The following PXDNL variants were observed in gnomAD, a reference collection of about 807,000 sequenced individuals.
The protein encoded by PXDNL is probable oxidoreductase PXDNL.
A neutral mutation model predicts 150.8 loss-of-function variants in PXDNL; 145 were observed. The ratio of observed to expected loss-of-function variants is 0.96; its 90% CI spans 0.84 to 1.10. PXDNL has a LOEUF of 1.10. Ranked by LOEUF, PXDNL falls within the 50% of genes least tolerant of loss-of-function variation. The pLI is 0.00. For synonymous variants in PXDNL, 757 were observed against 725.7 expected, an observed-to-expected ratio of 1.04 and a Z score of -0.69; for missense variants, 2,087 against 1,873.9, an observed-to-expected ratio of 1.11 and a Z score of -2.10.
At chr8:51,542,670 G>T (rs986681534) in intron 4 of PXDNL, among the ~76,000 whole-genome samples, 2 of 151,780 alleles carry the variant, frequency 1.3e-5, no homozygotes, top group African/African-American at 4.8e-5. Flanking sequence ...GTTAGGCTGG[G>T]ATGGTGGGAG....
At chr8:51,648,086 G>A (rs1814961449) in intron 2 of PXDNL, among the ~76,000 whole-genome samples, 1 of 152,060 alleles carries the variant, frequency 6.6e-6, no homozygotes, top group Admixed American at 6.6e-5. Flanking sequence ...CTCAAAAGTA[G>A]GGTGTCTAAA....
intron 3 of PXDNL, among the ~76,000 whole-genome samples, chr8:51,582,059 T>C (rs903813081): frequency 1.3e-5 from 2 of 152,190 alleles, no homozygotes; most frequent in Non-Finnish European, 2.9e-5. Flanking sequence ...AGTATACTTT[T>C]AAGTTTCCTA....
chr8:51,670,572 T>C (rs965564273), intron 1 of PXDNL, among the ~76,000 whole-genome samples: 1 of 152,232 alleles, frequency 6.6e-6, no homozygotes, highest in Admixed American at 6.5e-5. Context: ...AAATATGATA[T>C]TATAATCTTA....
chr8:51,576,840 T>C (rs4631459), intron 3 of PXDNL, among the ~76,000 whole-genome samples: 72,611 of 151,608 alleles, frequency 0.48, 21,830 homozygotes, highest in African/African-American at 0.85. Context: ...CTGCAGACAT[T>C]AAAAGGATAC....
chr8:51,568,433 T>C (rs1427867437), intron 3 of PXDNL, among the ~76,000 whole-genome samples: 1 of 151,930 alleles, frequency 6.6e-6, no homozygotes, highest in African/African-American at 2.4e-5. Flanking sequence ...TTTTACTTCA[T>C]GCTCTTTTTG....
chr8:51,579,132 C>T (rs991353850), intron 3 of PXDNL, among the ~76,000 whole-genome samples: 4 of 151,980 alleles, frequency 2.6e-5, no homozygotes, highest in African/African-American at 9.7e-5. Flanking sequence ...ATGAAAACAC[C>T]TGCTCTTCAA....
chr8:51,703,194 A>G (rs1585686591), intron 1 of PXDNL, among the ~76,000 whole-genome samples: 1 of 152,230 alleles, frequency 6.6e-6, no homozygotes, highest in South Asian at 2.1e-4. Context: ...TGTGCTATCT[A>G]AGTAATTTAA....
rs578177026 is a variant in PXDNL, at chr8:51,599,828, G to A, written c.237-7130C>T. On this transcript the variant is annotated intron_variant, in intron 2 of 22. Transcript: ENST00000356297. ...AATTATACCTTATATAAATGACATC[G>A]TTTAGATAATAAATTATACCTTATA... is the stretch of plus-strand genomic sequence containing the variant. 7.5e-4 allele frequency among the ~76,000 whole-genome samples: 103 copies of A among 137,234 alleles called. 2 individuals are homozygous for A. The highest frequency in any genetic ancestry group is 2.2e-3 in the African/African-American group (79 of 35,662). The allele number at this position is 137,234 out of a possible 152,430, so 90.0% of individuals were successfully genotyped here.
chr8:51,782,091 G>A (rs2037420883), intron 1 of PXDNL, among the ~76,000 whole-genome samples: 1 of 151,100 alleles, frequency 6.6e-6, no homozygotes, highest in African/African-American at 2.4e-5. Context: ...TAGGGGCTCA[G>A]ATGATAAGAA....
intron 17 of PXDNL, among the ~76,000 whole-genome samples, chr8:51,404,753 G>A (rs1353962581): frequency 6.6e-6 from 1 of 152,230 alleles, no homozygotes; most frequent in African/African-American, 2.4e-5. Context: ...GAGCCCAGCT[G>A]GCTTCACCCA....
intron 2 of PXDNL, among the ~76,000 whole-genome samples, chr8:51,629,159 GTATGAACAAA>G (rs1404066397): frequency 6.6e-6 from 1 of 152,082 alleles, no homozygotes; most frequent in Non-Finnish European, 1.5e-5. Flanking sequence ...GGAGAACAAT[GTATGAACAAA>G]TAGAGAATAT....
At chr8:51,583,790 G>A (rs916747136) in intron 3 of PXDNL, among the ~76,000 whole-genome samples, 7 of 152,080 alleles carry the variant, frequency 4.6e-5, no homozygotes, top group African/African-American at 1.7e-4. Flanking sequence ...ATGGACAGAT[G>A]GATGAACACA....
At chr8:51,474,936 C>T (rs1254859013) in intron 7 of PXDNL, 36 bp downstream of exon 7, 1 of 1,479,214 alleles carries the variant, frequency 6.8e-7, no homozygotes, top group Non-Finnish European at 9.2e-7. Context: ...AAATGAGAGA[C>T]AGTTCTATCT....
At chr8:51,808,539 A>T (rs1365012423) in intron 1 of PXDNL, among the ~76,000 whole-genome samples, 2 of 152,170 alleles carry the variant, frequency 1.3e-5, no homozygotes, top group Non-Finnish European at 2.9e-5. Context: ...TTGAACTCAG[A>T]CCTGTTTGAC....
chr8:51,558,029 G>C (rs1812632995), intron 3 of PXDNL, among the ~76,000 whole-genome samples: 2 of 152,074 alleles, frequency 1.3e-5, no homozygotes, highest in South Asian at 4.2e-4. Flanking sequence ...CAAAAATATA[G>C]CTATGTGTTA....
intron 1 of PXDNL, among the ~76,000 whole-genome samples, chr8:51,658,290 C>T (rs968350688): frequency 4.8e-5 from 7 of 147,126 alleles, no homozygotes; most frequent in East Asian, 2.0e-4. Context: ...TATAATGAGC[C>T]GTGATCACAC....
intron 1 of PXDNL, among the ~76,000 whole-genome samples, chr8:51,763,791 A>T (rs1585732150): frequency 6.6e-6 from 1 of 152,226 alleles, no homozygotes; most frequent in African/African-American, 2.4e-5. Flanking sequence ...TCCAAAAAAA[A>T]TTATCCATGT....
At chr8:51,452,935 A>AC (rs1809839333) in intron 10 of PXDNL, among the ~76,000 whole-genome samples, 1 of 142,566 alleles carries the variant, frequency 7.0e-6, no homozygotes, top group Non-Finnish European at 1.5e-5. Context: ...CACACACACA[A>AC]ACACACACAC....
chr8:51,608,054 A>AAAGCAAGCAAGCAAGC (rs755666717), intron 2 of PXDNL, among the ~76,000 whole-genome samples: 5 of 111,596 alleles, frequency 4.5e-5, no homozygotes, highest in East Asian at 2.4e-4. Flanking sequence ...AGAAAGAAAG[A>AAAGCAAGCAAGCAAGC]AAGCAAGCAA....
Sources: gnomAD v4.1 joint callset for allele counts (sites outside exome capture counted in the v4.1 genomes callset) on GRCh38, gnomAD v4.1.1 for gene constraint, MANE v1.5 for transcripts, NCBI Gene and HGNC (gene_info 2026-07-23, HGNC 2026-07-21) for gene names.